KCNN3: variants seen among roughly 807,000 people sequenced by gnomAD.
The protein encoded by KCNN3 is potassium calcium-activated channel subfamily N member 3, also known as small conductance calcium-activated potassium channel protein 3.
KCNN3 carries 16 observed loss-of-function variants against 62.9 expected under a neutral mutation model. The observed-to-expected ratio is 0.25, with a 90% CI of 0.17 to 0.39. KCNN3 has a LOEUF of 0.39. Ranked by LOEUF, KCNN3 falls within the 10% of genes least tolerant of loss-of-function variation. The pLI, the probability that KCNN3 is intolerant of heterozygous loss-of-function variation, is 1.00. For synonymous variants in KCNN3, 370 were observed against 389.2 expected, an observed-to-expected ratio of 0.95 and a Z score of 0.58; for missense variants, 599 against 949.4, an observed-to-expected ratio of 0.63 and a Z score of 4.85.
At chr1:154,712,789 T>G (rs887463826) in intron 7 of KCNN3, among the ~76,000 whole-genome samples, 3 of 152,204 alleles carry the variant, frequency 2.0e-5, no homozygotes, top group African/African-American at 7.2e-5. Flanking sequence ...CTCCCTCACC[T>G]GGGTGATTTG....
At position 154,734,582 on chromosome 1, in the gene KCNN3, C is replaced by T. The variant is rs111919555; in HGVS notation, c.1449-1438G>A. 7.9e-5 allele frequency among the ~76,000 whole-genome samples: 12 copies of T among 152,150 alleles called. No homozygotes were observed. In the South Asian group the frequency reaches 1.7e-3, roughly 21 times the overall value. On this transcript the variant is annotated intron_variant, in intron 3 of 7. Transcript: ENST00000271915. ...CAAATGCTGCTTTTCCTTCCCTTGGCGCCTTAAGTGAGGCGTGCAGGGCAG... is the reference window on the plus strand; with the variant it reads ...CAAATGCTGCTTTTCCTTCCCTTGGTGCCTTAAGTGAGGCGTGCAGGGCAG...
At chr1:154,842,211 A>T (rs1651861187) in intron 1 of KCNN3, among the ~76,000 whole-genome samples, 1 of 152,118 alleles carries the variant, frequency 6.6e-6, no homozygotes, top group Non-Finnish European at 1.5e-5. Context: ...GGGTTCTCCC[A>T]CCCTGGCCTC....
intron 3 of KCNN3, among the ~76,000 whole-genome samples, chr1:154,761,257 G>C (rs1021193045): frequency 1.3e-5 from 2 of 152,178 alleles, no homozygotes; most frequent in Non-Finnish European, 2.9e-5. Context: ...CTGAGACCAG[G>C]AGCTGCAGAC....
chr1:154,755,707 G>T (rs1272906595), intron 3 of KCNN3, among the ~76,000 whole-genome samples: 1 of 150,700 alleles, frequency 6.6e-6, no homozygotes, highest in Non-Finnish European at 1.5e-5. Context: ...AGAAGAAGAA[G>T]AGGAAGAGGA....
intron 2 of KCNN3, among the ~76,000 whole-genome samples, chr1:154,774,495 T>C (rs892903328): frequency 1.3e-5 from 2 of 152,334 alleles, no homozygotes; most frequent in East Asian, 3.9e-4. Context: ...CCAGCTCCGA[T>C]GATTTGATTC....
chr1:154,787,522 T>G (rs1246110790), intron 2 of KCNN3, among the ~76,000 whole-genome samples: 1 of 152,182 alleles, frequency 6.6e-6, no homozygotes, highest in African/African-American at 2.4e-5. Context: ...CTGCTAGAGA[T>G]GCGCAGAAGC....
In KCNN3 at chr1:154,704,773, C is replaced by G. The variant is rs1238758068; in HGVS notation, c.*3203G>C. The G allele has an allele frequency of 6.7e-6, 1 of 149,076 alleles. No homozygotes were observed. The highest frequency in any genetic ancestry group is 1.5e-5 in the Non-Finnish European group (1 of 67,474). The allele number at this position is 149,076 out of a possible 1,614,324, so 9.2% of individuals were successfully genotyped here. A position where few individuals can be genotyped will look rare whatever the true frequency, so the allele number is the denominator to read the frequency against. On this transcript the variant is annotated 3_prime_UTR_variant, in exon 8 of 8. Coordinates refer to ENST00000271915, the MANE Select transcript of KCNN3 (RefSeq NM_002249.6). Reference sequence around the variant, plus strand: ...CATAATTAATAGTTTTTACATATAGCCGATTTTTTTTTTTTTTTTGAGACG... The same window carrying G: ...CATAATTAATAGTTTTTACATATAGGCGATTTTTTTTTTTTTTTTGAGACG...
In KCNN3 at chr1:154,701,431, C is replaced by T. The variant is rs1699850118; in HGVS notation, c.*6545G>A. 1 of 152,190 alleles carries T rather than the reference C, an allele frequency of 6.6e-6. No individual in the cohort carries two copies. Among genetic ancestry groups the T allele is most frequent in the East Asian group, 1.9e-4 (1 of 5,204 alleles). 9.4% of individuals were successfully genotyped at this position (152,190 alleles called of 1,614,324 possible). A position where few individuals can be genotyped will look rare whatever the true frequency, so the allele number is the denominator to read the frequency against. On this transcript the variant is annotated 3_prime_UTR_variant, in exon 8 of 8. Coordinates refer to ENST00000271915, the MANE Select transcript of KCNN3 (RefSeq NM_002249.6). ...AAAATCTTTATTCTGTAACCGAACA[C>T]ATCCTGTTTTCATCTAGAAGTAGTG...
chr1:154,731,897 A>T (rs1265430400), intron 4 of KCNN3, among the ~76,000 whole-genome samples: 1 of 152,096 alleles, frequency 6.6e-6, no homozygotes, highest in Non-Finnish European at 1.5e-5. Context: ...CTCCTCTGAA[A>T]AAAGTGTCCA....
intron 2 of KCNN3, among the ~76,000 whole-genome samples, chr1:154,778,152 G>A (rs1648868725): frequency 6.6e-6 from 1 of 152,204 alleles, no homozygotes; most frequent in South Asian, 2.1e-4. Context: ...TGGTGGTTCT[G>A]AGAACTTGCC....
intron 3 of KCNN3, among the ~76,000 whole-genome samples, chr1:154,756,861 T>A: frequency 6.6e-6 from 1 of 152,232 alleles, no homozygotes; most frequent in East Asian, 1.9e-4. Context: ...ATGTGTGTTT[T>A]ATGCTTTAAG....
intron 2 of KCNN3, among the ~76,000 whole-genome samples, chr1:154,820,074 T>C (rs572468984): frequency 6.6e-6 from 1 of 152,306 alleles, no homozygotes; most frequent in South Asian, 2.1e-4. Flanking sequence ...AATAGCATCA[T>C]CTACTGCCCA....
intron 4 of KCNN3, among the ~76,000 whole-genome samples, chr1:154,726,871 C>G (rs1236953484): frequency 6.6e-6 from 1 of 152,160 alleles, no homozygotes; most frequent in Admixed American, 6.5e-5. Flanking sequence ...GGAGGGTGGG[C>G]AAGGAAGCAG....
chr1:154,730,168 C>T (rs1031010026), intron 4 of KCNN3, among the ~76,000 whole-genome samples: 1 of 152,194 alleles, frequency 6.6e-6, no homozygotes, highest in African/African-American at 2.4e-5. Context: ...ATGAAAAATC[C>T]TTATGGAAAG....
chr1:154,804,715 T>C (rs972366829), intron 2 of KCNN3, among the ~76,000 whole-genome samples: 1 of 152,086 alleles, frequency 6.6e-6, no homozygotes, highest in African/African-American at 2.4e-5. Flanking sequence ...CTAATCCCTT[T>C]TACATATATG....
In KCNN3 at chr1:154,774,014, A is replaced by G. The variant is rs556164088; in HGVS notation, c.1030-1621T>C. ...TGATCCTAACACTACTGGCTCCATG[A>G]TCCTGGGCAAATTACCGAACCACCC... On this transcript the variant is annotated intron_variant, in intron 2 of 7. Coordinates refer to ENST00000271915, the MANE Select transcript of KCNN3 (RefSeq NM_002249.6). 6.6e-4 allele frequency among the ~76,000 whole-genome samples: 100 copies of G among 152,266 alleles called. 1 individual carries two copies. Among genetic ancestry groups the G allele is most frequent in the Middle Eastern group, 6.8e-3 (2 of 294 alleles).
intron 1 of KCNN3, among the ~76,000 whole-genome samples, chr1:154,864,071 C>T (rs1571349515): frequency 1.3e-5 from 2 of 152,150 alleles, no homozygotes; most frequent in East Asian, 3.8e-4. Flanking sequence ...TCCTGTGGGC[C>T]GACACACTCA....
Position 154,721,531 on chromosome 1 carries a change from C to T in KCNN3, c.1701+4385G>A, listed in dbSNP as rs191241629. 3.9e-3 allele frequency among the ~76,000 whole-genome samples: 597 copies of T among 152,190 alleles called. 1 individual carries two copies. Among genetic ancestry groups the T allele is most frequent in the Middle Eastern group, 6.8e-3 (2 of 294 alleles). On this transcript the variant is annotated intron_variant, in intron 5 of 7. Transcript: ENST00000271915. ...CGCCAGGCTAGTCTTGAACTCCTGA[C>T]CTCAAGTGATCCGCCCACGTCGGCC...
rs755808666 is a variant in KCNN3, at chr1:154,703,233, T to C, written c.*4743A>G. 1.6e-4 allele frequency: 24 copies of C among 152,140 alleles called. No homozygotes were observed. Among genetic ancestry groups the C allele is most frequent in the Non-Finnish European group, 3.4e-4 (23 of 68,004 alleles). 9.4% of individuals were successfully genotyped at this position (152,140 alleles called of 1,614,324 possible). A position where few individuals can be genotyped will look rare whatever the true frequency, so the allele number is the denominator to read the frequency against. ...GCTTTCTACTACCACAAGCAGACAG[T>C]TACTATTGCGATCCCTGTAAACTCC... On this transcript the variant is annotated 3_prime_UTR_variant, in exon 8 of 8. Transcript: ENST00000271915.
Sources: gnomAD v4.1 joint callset for allele counts (sites outside exome capture counted in the v4.1 genomes callset) on GRCh38, gnomAD v4.1.1 for gene constraint, MANE v1.5 for transcripts, NCBI Gene and HGNC (gene_info 2026-07-23, HGNC 2026-07-21) for gene names.